METTL17: variants seen among roughly 807,000 people sequenced by gnomAD.
METTL17 encodes ribosome assembly protein METTL17, mitochondrial.
Under a neutral mutation model 59.4 loss-of-function variants are expected in METTL17, and 49 were observed. That is an observed-to-expected ratio of 0.82 (90% CI 0.66 to 1.05). The LOEUF (loss-of-function observed/expected upper bound fraction) is 1.05, where lower values mean the gene tolerates loss of function less well. Among genes scored for constraint, METTL17 ranks in the 50% least tolerant of loss-of-function variants. The pLI is 0.00. For synonymous variants in METTL17, 208 were observed against 209.2 expected (o/e 0.99, Z 0.05); for missense variants, 555 against 578.4 (o/e 0.96, Z 0.41).
intron 3 of METTL17, among the ~76,000 whole-genome samples, chr14:20,991,252 C>T (rs571011886): frequency 6.6e-6 from 1 of 152,260 alleles, no homozygotes; most frequent in Admixed American, 6.5e-5. Context: ...CTGAAACCCT[C>T]TTCTGGGATA....
chr14:20,996,053 C>A, intron 11 of METTL17, 102 bp downstream of exon 11: 2 of 1,380,104 alleles, frequency 1.4e-6, no homozygotes, highest in Non-Finnish European at 2.1e-6. Context: ...ACTTTGTGTT[C>A]CTATCCAGTT....
At position 20,990,537 on chromosome 14, in the gene METTL17, A is replaced by G; in HGVS notation, c.303A>G (p.Val101=). 6.2e-7 allele frequency: 1 copy of G among 1,614,280 alleles called. No individual in the cohort carries two copies. The highest frequency in any genetic ancestry group is 8.5e-7 in the Non-Finnish European group (1 of 1,180,044). The change falls in exon 3 of 14, where the codon GTA becomes GTG. Residue 101 remains valine, a synonymous_variant. Coordinates refer to ENST00000339374, the MANE Select transcript of METTL17 (RefSeq NM_022734.3). ...ATCTCTGGAGCAGACATTTGCCTGT[A>G]GAGCCAGAGGAGTTGCAAAGACGGG... ...TSYLWSRHLP[V]EPEELQRRAR...
In METTL17 at chr14:20,995,887, T is replaced by A; in HGVS notation, c.946-14T>A. 1 of 1,613,444 alleles carries A rather than the reference T, an allele frequency of 6.2e-7. No individual in the cohort carries two copies. The highest frequency in any genetic ancestry group is 1.3e-5 in the African/African-American group (1 of 75,022). ...TTGGCCCAGCTTTATTTCTTTTATT[T>A]CCTTTGATTTCAGGGAAAAGAGAAG... On this transcript the variant is annotated splice_polypyrimidine_tract_variant and intron_variant, in intron 10 of 13. Transcript: ENST00000339374.
rs150336140 is a variant in METTL17, at chr14:20,990,509, G to T, written c.275G>T (p.Ser92Ile). 6.2e-7 allele frequency: 1 copy of T among 1,614,254 alleles called. No individual in the cohort carries two copies. Among genetic ancestry groups the T allele is most frequent in the Non-Finnish European group, 8.5e-7 (1 of 1,180,050 alleles). The change falls in exon 3 of 14, where the codon AGT (serine) becomes ATT (isoleucine). Residue 92 changes from serine (S) to isoleucine (I), a missense_variant. Physicochemically the swap from Ser to Ile is moderately radical, Grantham distance 142. Coordinates refer to ENST00000339374, the MANE Select transcript of METTL17 (RefSeq NM_022734.3). ...GAGAATCAGGTGCAAACACTGACCAGTTATCTCTGGAGCAGACATTTGCCT... is the reference window on the plus strand; with the variant it reads ...GAGAATCAGGTGCAAACACTGACCATTTATCTCTGGAGCAGACATTTGCCT... Reference protein sequence around the residue: ...TMENQVQTLTSYLWSRHLPVE... With the variant: ...TMENQVQTLTIYLWSRHLPVE...
In METTL17 at chr14:20,992,313, G is replaced by A. The variant is rs559760096; in HGVS notation, c.446+108G>A. The A allele has an allele frequency of 1.5e-4, 117 of 776,236 alleles. 1 individual carries two copies. Among genetic ancestry groups the A allele is most frequent in the Middle Eastern group, 4.8e-4 (2 of 4,144 alleles). 48.1% of individuals were successfully genotyped at this position (776,236 alleles called of 1,614,324 possible). A position where few individuals can be genotyped will look rare whatever the true frequency, so the allele number is the denominator to read the frequency against. On this transcript the variant is annotated intron_variant, in intron 4 of 13. Transcript: ENST00000339374. ...TTTAGTATTTTCTTTTATATCACCT[G>A]ACCTTAAAAGGATCAATTTAGTATT...
intron 3 of METTL17, chr14:20,991,679 C>G (rs112468653): frequency 0.036 from 6,962 of 190,898 alleles, 392 homozygotes; most frequent in African/African-American, 0.13. Flanking sequence ...TACAGGTGCA[C>G]GCCACCACGC....
At position 20,994,099 on chromosome 14, in the gene METTL17, A is replaced by G. The variant is rs767080032; in HGVS notation, c.697+36A>G. ...GAGCACTTCCAAAGTTGAGGGAGTTAAGAAAGCAAAGGGGTACTAGTAAAA... is the reference window on the plus strand; with the variant it reads ...GAGCACTTCCAAAGTTGAGGGAGTTGAGAAAGCAAAGGGGTACTAGTAAAA... On this transcript the variant is annotated intron_variant, in intron 7 of 13. Transcript: ENST00000339374. The G allele has an allele frequency of 1.1e-5, 16 of 1,448,858 alleles. No individual in the cohort carries two copies. In the East Asian group the frequency reaches 3.4e-4, roughly 31 times the overall value. The allele number at this position is 1,448,858 out of a possible 1,614,324, so 89.8% of individuals were successfully genotyped here.
At chr14:20,996,044 C>T in intron 11 of METTL17, 93 bp downstream of exon 11, 4 of 1,416,820 alleles carry the variant, frequency 2.8e-6, no homozygotes, top group Non-Finnish European at 4.0e-6. Context: ...CTCTCCACTA[C>T]TTTGTGTTCC....
Position 20,991,925 on chromosome 14 carries a change from C to T in METTL17, c.365-199C>T, listed in dbSNP as rs114255186. The stretch of plus-strand genomic sequence containing the variant: ...ATAAACCATTCTTATAAATAAAATG[C>T]TATCTGATACAATCTGTTAGTGGTA... On this transcript the variant is annotated intron_variant, in intron 3 of 13. Transcript: ENST00000339374. 742 of 518,620 alleles carry T rather than the reference C, an allele frequency of 1.4e-3. 9 individuals carry two copies. Among genetic ancestry groups the T allele is most frequent in the African/African-American group, 0.014 (688 of 49,728 alleles). The allele number at this position is 518,620 out of a possible 1,614,324, so 32.1% of individuals were successfully genotyped here. A position where few individuals can be genotyped will look rare whatever the true frequency, so the allele number is the denominator to read the frequency against.
chr14:20,991,424 AT>A (rs141632070), intron 3 of METTL17, among the ~76,000 whole-genome samples: 2,601 of 152,260 alleles, frequency 0.017, 66 homozygotes, highest in African/African-American at 0.059. Context: ...TGAGACGTAG[AT>A]TTTCAGATTT....
Position 20,996,681 on chromosome 14 carries a change from A to G in METTL17, c.1235A>G (p.His412Arg), listed in dbSNP as rs1241912771. The stretch of plus-strand genomic sequence containing the variant: ...TGCTGTCCAGATGGGCACATGCAGC[A>G]TGCTGTGCTCACAGCCCGCCGGCAC... ...HLCCPDGHMQHAVLTARRHGR... is the reference protein window; with the variant it reads ...HLCCPDGHMQRAVLTARRHGR... The change falls in exon 13 of 14, where the codon CAT becomes CGT. Residue 412 changes from histidine to arginine, a missense_variant. His to Arg is a conservative substitution (Grantham distance 29). Transcript: ENST00000339374. 6.2e-7 allele frequency: 1 copy of G among 1,614,136 alleles called. No individual in the cohort carries two copies. The highest frequency in any genetic ancestry group is 1.7e-5 in the Admixed American group (1 of 60,010).
intron 11 of METTL17, 37 bp downstream of exon 11, chr14:20,995,988 T>C: frequency 7.5e-6 from 12 of 1,609,756 alleles, no homozygotes; most frequent in Non-Finnish European, 1.0e-5. Flanking sequence ...CACACGGATC[T>C]GAACTTAGGC....
Position 20,996,931 on chromosome 14 carries a change from A to G in METTL17, c.*41A>G. The stretch of plus-strand genomic sequence containing the variant: ...AGTATTTTCTTCTATCGTGCCTGCC[A>G]GGGCTGAAGCTGCCTGGTATCCAGG... On this transcript the variant is annotated 3_prime_UTR_variant, in exon 14 of 14. Transcript: ENST00000339374. 4 of 1,571,394 alleles carry G rather than the reference A, an allele frequency of 2.5e-6. No homozygotes were observed. Among genetic ancestry groups the G allele is most frequent in the African/African-American group, 1.3e-5 (1 of 74,530 alleles).
chr14:20,993,599 C>T (rs577927967), intron 6 of METTL17: 35 of 220,698 alleles, frequency 1.6e-4, no homozygotes, highest in East Asian at 3.7e-4. Flanking sequence ...CTCACCCTCC[C>T]GAGTAGCTGG....
chr14:20,994,893 C>T lies in METTL17; in HGVS notation c.868C>T (p.His290Tyr). 1 of 1,612,632 alleles carries T rather than the reference C, an allele frequency of 6.2e-7. No homozygotes were observed. Among genetic ancestry groups the T allele is most frequent in the Non-Finnish European group, 8.5e-7 (1 of 1,179,024 alleles). The change falls in exon 9 of 14, where the codon CAT becomes TAT. Residue 290 changes from histidine to tyrosine, a missense_variant. By Grantham distance (83) the His-to-Tyr change is moderately conservative. Coordinates refer to ENST00000339374, the MANE Select transcript of METTL17 (RefSeq NM_022734.3). ...VVQTLWRKTG[H>Y]FLVLVENGTK... ...TCAAACCTTATGGCGTAAGACAGGT[C>T]ATTTCCTGGTGAGTTAAAATTCCTT...
chr14:20,994,795 T>G lies in METTL17; in HGVS notation c.770T>G (p.Val257Gly). Reference protein sequence around the residue: ...FRQFLPVSPKVQFDVVVSAFS... With the variant: ...FRQFLPVSPKGQFDVVVSAFS... ...CATGTTCCTTGTCTTGGTCCTCAGG[T>G]GCAGTTTGATGTAGTAGTGTCAGCT... is the stretch of plus-strand genomic sequence containing the variant. Residue 257 changes from valine (V) to glycine (G), a missense_variant and splice_region_variant, in exon 9 of 14, where the codon GTG (valine) becomes GGG (glycine). Coordinates refer to ENST00000339374, the MANE Select transcript of METTL17 (RefSeq NM_022734.3). 6.2e-7 allele frequency: 1 copy of G among 1,612,960 alleles called. No homozygotes were observed. The highest frequency in any genetic ancestry group is 8.5e-7 in the Non-Finnish European group (1 of 1,178,942).
In METTL17 at chr14:20,996,900, G is replaced by A. The variant is rs368392596; in HGVS notation, c.*10G>A. The A allele has an allele frequency of 2.7e-4, 432 of 1,597,268 alleles. No homozygotes were observed. The highest frequency in any genetic ancestry group is 3.5e-4 in the Non-Finnish European group (406 of 1,170,348). On this transcript the variant is annotated 3_prime_UTR_variant, in exon 14 of 14. Transcript: ENST00000339374. ...TCCCTCTGAGAGTTGATGAGGATGT[G>A]TAACAAGTATTTTCTTCTATCGTGC...
chr14:20,992,058 T>C, intron 3 of METTL17, 66 bp from the exon 4 acceptor site: 1 of 1,425,218 alleles, frequency 7.0e-7, no homozygotes, highest in Non-Finnish European at 9.9e-7. Flanking sequence ...GGGCAGTATA[T>C]TCAGATATTG....
chr14:20,993,868 ACT>A (rs1323728867), intron 6 of METTL17, 99 bp from the exon 7 acceptor site: 1 of 696,752 alleles, frequency 1.4e-6, no homozygotes, highest in South Asian at 1.9e-5. Flanking sequence ...TTAACATAAC[ACT>A]CTCTTTTCCC....
Sources: gnomAD v4.1 joint callset for allele counts (sites outside exome capture counted in the v4.1 genomes callset) on GRCh38, gnomAD v4.1.1 for gene constraint, MANE v1.5 for transcripts, NCBI Gene and HGNC (gene_info 2026-07-23, HGNC 2026-07-21) for gene names.